The following EYS variants were observed in gnomAD, a reference collection of about 807,000 sequenced individuals.
The protein encoded by EYS is protein eyes shut homolog.
Under a neutral mutation model 282.1 loss-of-function variants are expected in EYS, and 250 were observed. The ratio of observed to expected loss-of-function variants is 0.89; its 90% CI spans 0.80 to 0.98. The LOEUF (loss-of-function observed/expected upper bound fraction) is 0.98. Ranked by LOEUF, EYS falls within the 50% of genes least tolerant of loss-of-function variation. The pLI, the probability that EYS is intolerant of heterozygous loss-of-function variation, is 0.00. For missense variants in EYS, 4,016 were observed against 3,709.0 expected, an observed-to-expected ratio of 1.08 and a Z score of -2.15; for synonymous variants, 1,355 against 1,282.9, an observed-to-expected ratio of 1.06 and a Z score of -1.20.
At chr6:64,378,206 G>A (rs1772629168) in intron 29 of EYS, among the ~76,000 whole-genome samples, 1 of 152,138 alleles carries the variant, frequency 6.6e-6, no homozygotes, top group Admixed American at 6.5e-5. Flanking sequence ...AGATTTCATG[G>A]AAGTATGAAA....
chr6:65,483,894 T>A (rs979641342), intron 5 of EYS, among the ~76,000 whole-genome samples: 10 of 152,054 alleles, frequency 6.6e-5, no homozygotes, highest in East Asian at 3.9e-4. Context: ...CTCCTTTTTT[T>A]AAAACCATCG....
At chr6:63,913,326 G>A (rs1764325712) in intron 35 of EYS, among the ~76,000 whole-genome samples, 2 of 152,172 alleles carry the variant, frequency 1.3e-5, no homozygotes, top group Admixed American at 1.3e-4. Flanking sequence ...AAATATATGT[G>A]CTAACAATTA....
rs534781542 is a variant in EYS at position 64,551,580 on chromosome 6, A to C, written c.5644+38643T>G. On this transcript the variant is annotated intron_variant, in intron 26 of 42. Transcript: ENST00000503581. Reference sequence around the variant, plus strand: ...GAGATGGAGTCCTGCTGTGTTGCCCAGGCTAGAGTGCAGTGGTGCAATCTT... The same window carrying C: ...GAGATGGAGTCCTGCTGTGTTGCCCCGGCTAGAGTGCAGTGGTGCAATCTT... Among the ~76,000 whole-genome samples the C allele has an allele frequency of 9.6e-5, 13 of 135,706 alleles. No individual in the cohort carries two copies. In the East Asian group the frequency reaches 2.1e-3, roughly 22 times the overall value. The allele number at this position is 135,706 out of a possible 152,430, so 89.0% of individuals were successfully genotyped here. A position where few individuals can be genotyped will look rare whatever the true frequency, so the allele number is the denominator to read the frequency against.
chr6:65,388,535 G>A (rs1394801068), intron 7 of EYS, among the ~76,000 whole-genome samples: 1 of 151,956 alleles, frequency 6.6e-6, no homozygotes, highest in African/African-American at 2.4e-5. Flanking sequence ...TGCTGTCTGG[G>A]AAATGTGCAC....
intron 33 of EYS, among the ~76,000 whole-genome samples, chr6:64,059,674 A>G (rs1771097572): frequency 6.6e-6 from 1 of 152,212 alleles, no homozygotes; most frequent in Admixed American, 6.5e-5. Context: ...AGATTCATAG[A>G]TATCTTTTAA....
chr6:64,183,265 A>C (rs1360951800), intron 31 of EYS, among the ~76,000 whole-genome samples: 1 of 152,040 alleles, frequency 6.6e-6, no homozygotes, highest in Non-Finnish European at 1.5e-5. Flanking sequence ...TTTATAAATT[A>C]CCCAGTCTCA....
chr6:64,537,836 AT>A (rs1384821997), intron 26 of EYS, among the ~76,000 whole-genome samples: 1 of 152,156 alleles, frequency 6.6e-6, no homozygotes, highest in Non-Finnish European at 1.5e-5. Flanking sequence ...CTGGGGTAAT[AT>A]TTTTAAAAGA....
chr6:65,527,414 T>C (rs989963764), intron 2 of EYS, among the ~76,000 whole-genome samples: 1 of 152,140 alleles, frequency 6.6e-6, no homozygotes, highest in African/African-American at 2.4e-5. Context: ...GACAGCCCAG[T>C]AACATGATGG....
At chr6:64,451,178 T>C (rs571528415) in intron 26 of EYS, among the ~76,000 whole-genome samples, 1 of 152,058 alleles carries the variant, frequency 6.6e-6, no homozygotes. Flanking sequence ...AAAGGGGATA[T>C]CACCACTGAT....
intron 18 of EYS, among the ~76,000 whole-genome samples, chr6:64,887,772 A>C (rs896301908): frequency 6.6e-6 from 1 of 152,098 alleles, no homozygotes; most frequent in Non-Finnish European, 1.5e-5. Flanking sequence ...TGCTTTTGAA[A>C]GTCTCAGGAA....
chr6:65,331,617 AT>A (rs1769801780), intron 11 of EYS: 1 of 980,556 alleles, frequency 1.0e-6, no homozygotes, highest in Non-Finnish European at 1.2e-6. Flanking sequence ...ATATCAAAAA[AT>A]AATGGCAAAC....
chr6:65,254,585 T>A (rs548566017), intron 12 of EYS, among the ~76,000 whole-genome samples: 1 of 151,966 alleles, frequency 6.6e-6, no homozygotes, highest in Admixed American at 6.6e-5. Context: ...GTGGAAAGAT[T>A]AATTTGGTTA....
At position 63,827,257 on chromosome 6, in the gene EYS, G is replaced by A. The variant is rs1771046063; in HGVS notation, c.7229-20885C>T. 2.0e-5 allele frequency among the ~76,000 whole-genome samples: 3 copies of A among 152,224 alleles called. No individual in the cohort carries two copies. The Middle Eastern group carries it at 0.01, about 518-fold the overall frequency. On this transcript the variant is annotated intron_variant, in intron 36 of 42. Transcript: ENST00000503581. ...AAACACATACGCACCTAACACTGGA[G>A]CTCCCAAATTTATAAAACAATTACT...
intron 36 of EYS, among the ~76,000 whole-genome samples, chr6:63,813,757 T>A (rs1385742477): frequency 1.3e-5 from 2 of 152,076 alleles, no homozygotes; most frequent in African/African-American, 4.8e-5. Context: ...TCCAATTCAG[T>A]TCTTCCTTCT....
chr6:65,373,495 T>A (rs1373199683), intron 8 of EYS, among the ~76,000 whole-genome samples: 1 of 151,998 alleles, frequency 6.6e-6, no homozygotes, highest in East Asian at 1.9e-4. Flanking sequence ...TAAAATCAAT[T>A]TCTGAGGGAG....
intron 30 of EYS, among the ~76,000 whole-genome samples, chr6:64,248,060 CAA>C (rs1313310238): frequency 2.0e-5 from 3 of 152,064 alleles, no homozygotes; most frequent in Non-Finnish European, 4.4e-5. Context: ...GAAGGAGAGG[CAA>C]AGAAGTCTGT....
At chr6:64,449,791 C>T (rs1775254134) in intron 26 of EYS, among the ~76,000 whole-genome samples, 1 of 152,140 alleles carries the variant, frequency 6.6e-6, no homozygotes, top group Non-Finnish European at 1.5e-5. Context: ...AAATACTTTA[C>T]AGACAAGCAA....
intron 12 of EYS, among the ~76,000 whole-genome samples, chr6:65,214,094 G>T (rs1766248024): frequency 7.0e-6 from 1 of 141,928 alleles, no homozygotes; most frequent in Admixed American, 7.7e-5. Flanking sequence ...GGGAGGTGGA[G>T]CTTGCAGTGA....
chr6:63,771,366 A>C (rs1769923074), intron 40 of EYS, among the ~76,000 whole-genome samples: 1 of 152,186 alleles, frequency 6.6e-6, no homozygotes, highest in Non-Finnish European at 1.5e-5. Flanking sequence ...GGTGACCAAA[A>C]GACAAGTTGG....
Sources: gnomAD v4.1 joint callset for allele counts (sites outside exome capture counted in the v4.1 genomes callset) on GRCh38, gnomAD v4.1.1 for gene constraint, MANE v1.5 for transcripts, NCBI Gene and HGNC (gene_info 2026-07-23, HGNC 2026-07-21) for gene names.